Variants in RNGTT observed in about 807,000 individuals in gnomAD.
RNGTT encodes the protein RNA guanylyltransferase and 5'-phosphatase, also known as mRNA-capping enzyme.
RNGTT carries 33 observed loss-of-function variants against 79.3 expected under a neutral mutation model. The ratio of observed to expected loss-of-function variants is 0.42; its 90% CI spans 0.32 to 0.56. The LOEUF (loss-of-function observed/expected upper bound fraction) is 0.56, where lower values mean the gene tolerates loss of function less well. RNGTT is among the 20% of genes least tolerant of loss of function. The pLI is 0.17. For synonymous variants in RNGTT, 222 were observed against 235.9 expected, an observed-to-expected ratio of 0.94 and a Z score of 0.54; for missense variants, 497 against 739.1, an observed-to-expected ratio of 0.67 and a Z score of 3.80.
chr6:88,797,122 G>A (rs777504308), intron 12 of RNGTT, among the ~76,000 whole-genome samples: 98 of 151,976 alleles, frequency 6.4e-4, no homozygotes, highest in Non-Finnish European at 1.1e-3. Context: ...TGAAACTTAC[G>A]TGTTAAACAA....
At chr6:88,893,777 C>G (rs1783130680) in intron 6 of RNGTT, among the ~76,000 whole-genome samples, 1 of 151,878 alleles carries the variant, frequency 6.6e-6, no homozygotes. Context: ...CTATTTTCTT[C>G]CACAACAAAT....
chr6:88,761,572 T>C (rs900969160), intron 13 of RNGTT, among the ~76,000 whole-genome samples: 2 of 152,112 alleles, frequency 1.3e-5, no homozygotes, highest in African/African-American at 4.8e-5. Flanking sequence ...GGTATTGCAA[T>C]ACTACTACAA....
chr6:88,764,505 T>C (rs954658966), intron 13 of RNGTT, among the ~76,000 whole-genome samples: 6 of 152,242 alleles, frequency 3.9e-5, no homozygotes, highest in African/African-American at 1.4e-4. Context: ...GACACATGTA[T>C]ACAACTATAT....
chr6:88,635,207 T>C lies in RNGTT; in HGVS notation c.1507-20812A>G, dbSNP rs78970838. On this transcript the variant is annotated intron_variant, in intron 14 of 15. Coordinates refer to ENST00000369485, the MANE Select transcript of RNGTT (RefSeq NM_003800.5). ...TGGGCTGTGTGTGTGCTTATGTATG[T>C]ATGCTTACAAGTATATGTATTATGT... Among the ~76,000 whole-genome samples, 911 of 152,248 alleles carry C rather than the reference T, an allele frequency of 6.0e-3. 7 individuals are homozygous for C. Among genetic ancestry groups the C allele is most frequent in the African/African-American group, 0.021 (873 of 41,580 alleles).
chr6:88,883,683 T>C (rs1484651979), intron 8 of RNGTT, among the ~76,000 whole-genome samples: 2 of 152,114 alleles, frequency 1.3e-5, no homozygotes, highest in Admixed American at 1.3e-4. Context: ...AATCAAACCA[T>C]ACAAATATTA....
chr6:88,673,848 A>G (rs1344202179), intron 14 of RNGTT, among the ~76,000 whole-genome samples: 1 of 152,250 alleles, frequency 6.6e-6, no homozygotes, highest in Non-Finnish European at 1.5e-5. Flanking sequence ...TTACTGAAAT[A>G]TATCAGATAA....
chr6:88,811,786 C>G (rs1780147396), intron 11 of RNGTT, among the ~76,000 whole-genome samples: 2 of 152,162 alleles, frequency 1.3e-5, no homozygotes, highest in Non-Finnish European at 2.9e-5. Context: ...CTATTCTACT[C>G]AGACATCTTC....
At chr6:88,617,412 T>C (rs748716710) in intron 14 of RNGTT, among the ~76,000 whole-genome samples, 9 of 152,250 alleles carry the variant, frequency 5.9e-5, no homozygotes, top group Non-Finnish European at 8.8e-5. Flanking sequence ...GATATTGCTT[T>C]CCCAACACTG....
Position 88,612,631 on chromosome 6 carries a change from G to T in RNGTT, c.*88C>A. On this transcript the variant is annotated 3_prime_UTR_variant, in exon 16 of 16. Transcript: ENST00000369485. ...TGTGTATCAACATCAAGCCACAGTCGTTTTTCAATTTCTCTGGCTACAAAA... is the reference window on the plus strand; with the variant it reads ...TGTGTATCAACATCAAGCCACAGTCTTTTTTCAATTTCTCTGGCTACAAAA... 7.2e-7 allele frequency: 1 copy of T among 1,381,950 alleles called. No homozygotes were observed. The highest frequency in any genetic ancestry group is 9.9e-7 in the Non-Finnish European group (1 of 1,005,548). 85.6% of individuals were successfully genotyped at this position (1,381,950 alleles called of 1,614,324 possible).
Position 88,639,757 on chromosome 6 carries a change from T to C in RNGTT, c.1507-25362A>G, listed in dbSNP as rs563702253. On this transcript the variant is annotated intron_variant, in intron 14 of 15. Coordinates refer to ENST00000369485, the MANE Select transcript of RNGTT (RefSeq NM_003800.5). ...GAAAACCTGAATGAATGATTAATGA[T>C]GACGATACAGATGATGAAGACAGCA... Among the ~76,000 whole-genome samples, 12 of 152,322 alleles carry C rather than the reference T, an allele frequency of 7.9e-5. 1 individual carries two copies. In the South Asian group the frequency reaches 1.9e-3, roughly 24 times the overall value.
chr6:88,892,658 T>A (rs1783089794), intron 6 of RNGTT, among the ~76,000 whole-genome samples: 1 of 151,956 alleles, frequency 6.6e-6, no homozygotes, highest in East Asian at 1.9e-4. Flanking sequence ...CTAAAAAAAA[T>A]AGTCTAGATG....
chr6:88,855,767 C>T (rs1349028596), intron 8 of RNGTT, among the ~76,000 whole-genome samples: 1 of 152,132 alleles, frequency 6.6e-6, no homozygotes, highest in Non-Finnish European at 1.5e-5. Flanking sequence ...GGCCAGCTGG[C>T]ACACAGACAA....
At chr6:88,929,927 CAT>C (rs1489961923) in intron 2 of RNGTT, among the ~76,000 whole-genome samples, 1 of 148,152 alleles carries the variant, frequency 6.7e-6, no homozygotes, top group Non-Finnish European at 1.5e-5. Flanking sequence ...CACGTATATA[CAT>C]ATGTATACAT....
At chr6:88,716,778 G>A (rs1238240199) in intron 13 of RNGTT, among the ~76,000 whole-genome samples, 1 of 152,114 alleles carries the variant, frequency 6.6e-6, no homozygotes, top group African/African-American at 2.4e-5. Context: ...GAGAACACAT[G>A]GACACAGGAA....
At chr6:88,912,654 GAA>G (rs1033588137) in intron 4 of RNGTT, among the ~76,000 whole-genome samples, 2 of 149,602 alleles carry the variant, frequency 1.3e-5, no homozygotes, top group Non-Finnish European at 1.5e-5. Context: ...GATTAACAAA[GAA>G]AAAAAAAGAG....
At chr6:88,809,813 C>T (rs1780076271) in intron 11 of RNGTT, among the ~76,000 whole-genome samples, 1 of 152,230 alleles carries the variant, frequency 6.6e-6, no homozygotes, top group South Asian at 2.1e-4. Flanking sequence ...CTTTGGGAGG[C>T]TGAGGTGGGA....
chr6:88,673,767 T>C (rs1389269366), intron 14 of RNGTT, among the ~76,000 whole-genome samples: 2 of 152,252 alleles, frequency 1.3e-5, no homozygotes, highest in Admixed American at 6.5e-5. Context: ...ACCACTCTGA[T>C]ACACATAACT....
chr6:88,855,698 T>C (rs1781822204), intron 8 of RNGTT, among the ~76,000 whole-genome samples: 2 of 151,828 alleles, frequency 1.3e-5, no homozygotes, highest in African/African-American at 4.8e-5. Flanking sequence ...CTAGGAAAAA[T>C]AAATTCAGCC....
intron 14 of RNGTT, among the ~76,000 whole-genome samples, chr6:88,639,235 G>A (rs1215948782): frequency 2.0e-5 from 3 of 151,882 alleles, no homozygotes; most frequent in Non-Finnish European, 2.9e-5. Context: ...AAGCAGTTAC[G>A]AGGCTTTTAA....
Sources: gnomAD v4.1 joint callset for allele counts (sites outside exome capture counted in the v4.1 genomes callset) on GRCh38, gnomAD v4.1.1 for gene constraint, MANE v1.5 for transcripts, NCBI Gene and HGNC (gene_info 2026-07-23, HGNC 2026-07-21) for gene names.